KIF11: variants seen among roughly 807,000 people sequenced by gnomAD.
KIF11 encodes kinesin-like protein KIF11.
Under a neutral mutation model 121.0 loss-of-function variants are expected in KIF11, and 9 were observed. The observed-to-expected ratio is 0.07, with a 90% CI of 0.04 to 0.13. The LOEUF is 0.13. KIF11 is among the 10% of genes least tolerant of loss of function. The probability of loss-of-function intolerance (pLI) is 1.00; values close to 1 mark genes in which losing one functional copy is unlikely to be tolerated. For synonymous variants in KIF11, 408 were observed against 421.0 expected (o/e 0.97, Z 0.38); for missense variants, 846 against 1,217.5 (o/e 0.69, Z 4.54).
intron 10 of KIF11, among the ~76,000 whole-genome samples, chr10:92,623,946 A>G (rs997530561): frequency 2.0e-5 from 3 of 152,146 alleles, no homozygotes; most frequent in Non-Finnish European, 2.9e-5. Flanking sequence ...TTCTATAGAT[A>G]TATTGCATGT....
intron 21 of KIF11, among the ~76,000 whole-genome samples, chr10:92,652,008 GCT>G (rs1431883843): frequency 7.8e-6 from 1 of 128,460 alleles, no homozygotes; most frequent in Admixed American, 9.2e-5. Context: ...AGAGGGTCTT[GCT>G]ATGTTGGCCA....
chr10:92,617,150 A>G (rs976098589), intron 9 of KIF11, among the ~76,000 whole-genome samples: 4 of 152,352 alleles, frequency 2.6e-5, no homozygotes, highest in Admixed American at 1.3e-4. Flanking sequence ...ATACAATTCA[A>G]TGATTTATAG....
At chr10:92,644,644 C>T (rs1054784700) in intron 17 of KIF11, among the ~76,000 whole-genome samples, 1 of 152,042 alleles carries the variant, frequency 6.6e-6, no homozygotes, top group Non-Finnish European at 1.5e-5. Flanking sequence ...GTGACTTTCA[C>T]GTGTAGGTTT....
intron 8 of KIF11, among the ~76,000 whole-genome samples, chr10:92,614,721 A>G (rs1340915638): frequency 6.6e-6 from 1 of 152,168 alleles, no homozygotes; most frequent in Non-Finnish European, 1.5e-5. Context: ...AGTAACAAAG[A>G]TGGTAAAATG....
At chr10:92,625,384 T>A (rs1844664012) in intron 10 of KIF11, among the ~76,000 whole-genome samples, 1 of 151,880 alleles carries the variant, frequency 6.6e-6, no homozygotes, top group Non-Finnish European at 1.5e-5. Context: ...AGTTTCACTG[T>A]TGCCCAGGCT....
At chr10:92,607,324 T>A in intron 4 of KIF11, 87 bp downstream of exon 4, 1 of 733,328 alleles carries the variant, frequency 1.4e-6, no homozygotes, top group Non-Finnish European at 2.3e-6. Flanking sequence ...TGTCTTGGAA[T>A]AGAGATCAGA....
At chr10:92,616,534 ACT>A (rs1482483267) in intron 8 of KIF11, among the ~76,000 whole-genome samples, 2 of 151,794 alleles carry the variant, frequency 1.3e-5, no homozygotes, top group East Asian at 1.9e-4. Context: ...AAGGGTCGAG[ACT>A]CTGAAAATTG....
chr10:92,635,232 T>C (rs931435982), intron 14 of KIF11, among the ~76,000 whole-genome samples: 4 of 152,178 alleles, frequency 2.6e-5, no homozygotes, highest in Non-Finnish European at 5.9e-5. Flanking sequence ...TGACATTATT[T>C]GATAGGTTTT....
chr10:92,654,809 TAAGAG>T lies in KIF11; in HGVS notation c.*1014_*1018del, dbSNP rs1166147046. 4 of 152,584 alleles carry T rather than the reference TAAGAG, an allele frequency of 2.6e-5. No individual in the cohort carries two copies. Among genetic ancestry groups the T allele is most frequent in the African/African-American group, 9.7e-5 (4 of 41,448 alleles). The allele number at this position is 152,584 out of a possible 1,614,324, so 9.5% of individuals were successfully genotyped here. ...TGACAGAGTTCACAAAAAGCCCACT[TAAGAG>T]TATACATTGCTATTATGGGAGACCA... On this transcript the variant is annotated 3_prime_UTR_variant, in exon 22 of 22. Transcript: ENST00000260731.
chr10:92,649,812 C>G, intron 19 of KIF11, 23 bp from the exon 20 acceptor site: 1 of 1,519,380 alleles, frequency 6.6e-7, no homozygotes. Context: ...TAATTTTTAC[C>G]TCTTATCTAA....
In KIF11 at chr10:92,628,930, A is replaced by G. The variant is rs1206987286; in HGVS notation, c.1305+35A>G. 4.4e-6 allele frequency: 5 copies of G among 1,127,524 alleles called. No individual in the cohort carries two copies. In the East Asian group the frequency reaches 9.6e-5, roughly 22 times the overall value. The allele number at this position is 1,127,524 out of a possible 1,614,324, so 69.8% of individuals were successfully genotyped here. ...TAAAATGATATTTACTGTTATGTGA[A>G]AAGCAAATATTGAAAGAAAATTTTA... On this transcript the variant is annotated intron_variant, in intron 11 of 21. Transcript: ENST00000260731.
intron 16 of KIF11, among the ~76,000 whole-genome samples, chr10:92,639,174 T>G (rs1246618648): frequency 1.3e-5 from 2 of 152,248 alleles, no homozygotes; most frequent in African/African-American, 4.8e-5. Flanking sequence ...ACTATATATA[T>G]CTGTCAAAGT....
At chr10:92,599,160 G>A (rs1844336097) in intron 1 of KIF11, among the ~76,000 whole-genome samples, 1 of 151,928 alleles carries the variant, frequency 6.6e-6, no homozygotes, top group Non-Finnish European at 1.5e-5. Flanking sequence ...TCTTTTTGGT[G>A]CTATTTTAAA....
At chr10:92,620,296 A>G (rs912733994) in intron 9 of KIF11, among the ~76,000 whole-genome samples, 87 of 152,030 alleles carry the variant, frequency 5.7e-4, no homozygotes, top group African/African-American at 1.9e-3. Context: ...TAGCCAGGAT[A>G]GTCTTGATCT....
intron 10 of KIF11, among the ~76,000 whole-genome samples, chr10:92,624,428 C>T (rs1019728702): frequency 2.6e-5 from 4 of 151,394 alleles, no homozygotes; most frequent in South Asian, 4.2e-4. Context: ...GATGGGGTTT[C>T]ACCATGCACC....
chr10:92,640,078 G>A (rs1236641197), intron 17 of KIF11, among the ~76,000 whole-genome samples, 178 bp downstream of exon 17: 3 of 151,932 alleles, frequency 2.0e-5, no homozygotes, highest in Non-Finnish European at 1.5e-5. Context: ...TTTTCATTGC[G>A]TATTTGTGCT....
chr10:92,616,082 C>T (rs1844553060), intron 8 of KIF11, among the ~76,000 whole-genome samples: 1 of 151,986 alleles, frequency 6.6e-6, no homozygotes, highest in Admixed American at 6.6e-5. Context: ...CATGATTCAC[C>T]CGCCCCGGCC....
At chr10:92,643,554 GA>G (rs1426010097) in intron 17 of KIF11, among the ~76,000 whole-genome samples, 1 of 136,672 alleles carries the variant, frequency 7.3e-6, no homozygotes, top group Admixed American at 7.3e-5. Context: ...GTATCTACTA[GA>G]TTTTTTTTTT....
At chr10:92,594,618 CAA>C (rs1382863464) in intron 1 of KIF11, among the ~76,000 whole-genome samples, 2 of 152,066 alleles carry the variant, frequency 1.3e-5, no homozygotes, top group Non-Finnish European at 2.9e-5. Context: ...TTCAGACTTA[CAA>C]AAAGTTATTA....
Sources: gnomAD v4.1 joint callset for allele counts (sites outside exome capture counted in the v4.1 genomes callset) on GRCh38, gnomAD v4.1.1 for gene constraint, MANE v1.5 for transcripts, NCBI Gene and HGNC (gene_info 2026-07-23, HGNC 2026-07-21) for gene names.